ADARB2: variants seen among roughly 807,000 people sequenced by gnomAD.
The protein encoded by ADARB2 is adenosine deaminase RNA specific B2 (inactive).
ADARB2 carries 25 observed loss-of-function variants against 62.2 expected under a neutral mutation model. The observed-to-expected ratio is 0.40, with a 90% CI of 0.29 to 0.56. The LOEUF (loss-of-function observed/expected upper bound fraction) is 0.56. Ranked by LOEUF, ADARB2 falls within the 20% of genes least tolerant of loss-of-function variation. The probability of loss-of-function intolerance (pLI) is 0.43; values close to 1 mark genes in which losing one functional copy is unlikely to be tolerated. For missense variants in ADARB2, 1,071 were observed against 1,077.4 expected, an observed-to-expected ratio of 0.99 and a Z score of 0.08; for synonymous variants, 572 against 500.8, an observed-to-expected ratio of 1.14 and a Z score of -1.90.
At chr10:1,609,500 T>C (rs1463477487) in intron 1 of ADARB2, among the ~76,000 whole-genome samples, 1 of 152,236 alleles carries the variant, frequency 6.6e-6, no homozygotes, top group Non-Finnish European at 1.5e-5. Flanking sequence ...AAATCTGCTC[T>C]CCTGCATGCA....
chr10:1,441,661 CT>C (rs1371447547), intron 1 of ADARB2, among the ~76,000 whole-genome samples: 1 of 152,038 alleles, frequency 6.6e-6, no homozygotes, highest in Non-Finnish European at 1.5e-5. Context: ...GTCTTTTTTT[CT>C]GTGACAATCT....
chr10:1,665,991 C>T (rs1363791145), intron 1 of ADARB2, among the ~76,000 whole-genome samples: 1 of 151,678 alleles, frequency 6.6e-6, no homozygotes, highest in Non-Finnish European at 1.5e-5. Context: ...CACAGAGTGG[C>T]CTGCAGGGAG....
At chr10:1,259,741 T>C (rs1831115782) in intron 4 of ADARB2, among the ~76,000 whole-genome samples, 1 of 152,206 alleles carries the variant, frequency 6.6e-6, no homozygotes, top group African/African-American at 2.4e-5. Flanking sequence ...ACTGGTACCA[T>C]TCCTTCTGAA....
At chr10:1,593,618 G>A (rs1052759318) in intron 1 of ADARB2, among the ~76,000 whole-genome samples, 1 of 152,240 alleles carries the variant, frequency 6.6e-6, no homozygotes, top group Admixed American at 6.5e-5. Context: ...AAGAAGCAGA[G>A]AGTTCTGTAG....
chr10:1,233,939 T>C, intron 5 of ADARB2, 94 bp from the exon 6 acceptor site: 1 of 1,288,252 alleles, frequency 7.8e-7, no homozygotes, highest in Non-Finnish European at 1.0e-6. Flanking sequence ...TGTAGAGTTG[T>C]TCCCCAAGTT....
At chr10:1,399,531 C>T (rs1055756962) in intron 1 of ADARB2, among the ~76,000 whole-genome samples, 3 of 152,116 alleles carry the variant, frequency 2.0e-5, no homozygotes, top group Non-Finnish European at 4.4e-5. Context: ...GGTCCCCGGC[C>T]TGGTGCCTGG....
At chr10:1,630,954 CAAAAACAAACAAACAAACAAACAA>C (rs1187580966) in intron 1 of ADARB2, among the ~76,000 whole-genome samples, 1 of 96,306 alleles carries the variant, frequency 1.0e-5, no homozygotes, top group African/African-American at 4.0e-5. Flanking sequence ...GACTCCTTCT[CAAAAACAAACAAACAAACAAACAA>C]ACAAACAAAC....
intron 3 of ADARB2, among the ~76,000 whole-genome samples, chr10:1,293,235 AGAGAGGGACG>A (rs1831491885): frequency 2.7e-5 from 3 of 112,320 alleles, no homozygotes; most frequent in Non-Finnish European, 5.4e-5. Context: ...ACGGGGAGGG[AGAGAGGGACG>A]GGGGGAGAGG....
intron 6 of ADARB2, among the ~76,000 whole-genome samples, chr10:1,218,504 A>G (rs369890018): frequency 1.3e-5 from 2 of 152,212 alleles, no homozygotes; most frequent in African/African-American, 4.8e-5. Context: ...GAAAGTTCCT[A>G]TTGAAGTTTT....
At chr10:1,617,180 T>C in intron 1 of ADARB2, among the ~76,000 whole-genome samples, 1 of 146,358 alleles carries the variant, frequency 6.8e-6, no homozygotes, top group African/African-American at 2.5e-5. Context: ...GAGGGCTGCA[T>C]TCTGTTGCTA....
At chr10:1,393,758 G>A (rs1832589348) in intron 1 of ADARB2, among the ~76,000 whole-genome samples, 1 of 152,234 alleles carries the variant, frequency 6.6e-6, no homozygotes, top group South Asian at 2.1e-4. Flanking sequence ...TGCCCTTCCA[G>A]ATGTGAGCGG....
intron 1 of ADARB2, among the ~76,000 whole-genome samples, chr10:1,492,166 G>A (rs895200258): frequency 6.6e-6 from 1 of 152,120 alleles, no homozygotes; most frequent in Admixed American, 6.6e-5. Context: ...AACAATAAGC[G>A]CCACACAGAG....
chr10:1,194,240 C>T (rs1836877462), intron 8 of ADARB2, among the ~76,000 whole-genome samples: 1 of 152,184 alleles, frequency 6.6e-6, no homozygotes, highest in Non-Finnish European at 1.5e-5. Context: ...TTGAATAGAG[C>T]AGGTTATGCT....
At chr10:1,569,140 C>T (rs11250634) in intron 1 of ADARB2, among the ~76,000 whole-genome samples, 2,827 of 138,106 alleles carry the variant, frequency 0.02, 103 homozygotes, top group African/African-American at 0.069. Flanking sequence ...AAGAGAGAGA[C>T]AGAGAGTCAG....
At chr10:1,272,017 G>A (rs141647858) in intron 3 of ADARB2, among the ~76,000 whole-genome samples, 48 of 152,296 alleles carry the variant, frequency 3.2e-4, no homozygotes, top group African/African-American at 9.6e-4. Context: ...AATGCAATAC[G>A]GTGTCTTAAG....
intron 1 of ADARB2, among the ~76,000 whole-genome samples, chr10:1,510,211 C>T (rs1831919111): frequency 7.1e-6 from 1 of 140,834 alleles, no homozygotes; most frequent in African/African-American, 2.6e-5. Context: ...AACAAGATCT[C>T]GCTCTGTTGC....
Position 1,264,130 on chromosome 10 carries a change from C to T in ADARB2, c.1192+6825G>A, listed in dbSNP as rs149749693. Among the ~76,000 whole-genome samples, 8 of 152,240 alleles carry T rather than the reference C, an allele frequency of 5.3e-5. No homozygotes were observed. In the East Asian group the frequency reaches 9.7e-4, roughly 18 times the overall value. Reference sequence around the variant, plus strand: ...GACACAGCATCAGCTTCACATTTCTCGGTATCCACTTAGTAATCATTAAGA... The same window carrying T: ...GACACAGCATCAGCTTCACATTTCTTGGTATCCACTTAGTAATCATTAAGA... On this transcript the variant is annotated intron_variant, in intron 4 of 9. Transcript: ENST00000381312.
chr10:1,355,379 C>T (rs1335255639), intron 3 of ADARB2, among the ~76,000 whole-genome samples: 1 of 152,230 alleles, frequency 6.6e-6, no homozygotes, highest in Admixed American at 6.5e-5. Flanking sequence ...ACTGTCCTCC[C>T]TGCTCCACCC....
At chr10:1,702,207 C>G (rs1487676378) in intron 1 of ADARB2, among the ~76,000 whole-genome samples, 1 of 152,166 alleles carries the variant, frequency 6.6e-6, no homozygotes, top group Non-Finnish European at 1.5e-5. Flanking sequence ...ATGCATAAGG[C>G]AAATATACAG....
Sources: gnomAD v4.1 joint callset for allele counts (sites outside exome capture counted in the v4.1 genomes callset) on GRCh38, gnomAD v4.1.1 for gene constraint, MANE v1.5 for transcripts, NCBI Gene and HGNC (gene_info 2026-07-23, HGNC 2026-07-21) for gene names.